The following TRPC4 variants were observed in gnomAD, a reference collection of about 807,000 sequenced individuals.
TRPC4 encodes the protein transient receptor potential cation channel subfamily C member 4.
A neutral mutation model predicts 99.4 loss-of-function variants in TRPC4; 49 were observed. That is an observed-to-expected ratio of 0.49 (90% CI 0.39 to 0.63). TRPC4 has a LOEUF of 0.63. TRPC4 is among the 20% of genes least tolerant of loss of function. The pLI, the probability that TRPC4 is intolerant of heterozygous loss-of-function variation, is 0.00. For missense variants in TRPC4, 898 were observed against 1,152.9 expected (o/e 0.78, Z 3.20); for synonymous variants, 454 against 425.9 (o/e 1.07, Z -0.81).
At chr13:37,854,718 T>C (rs1959141091) in intron 1 of TRPC4, 1 of 152,072 alleles carries the variant, frequency 6.6e-6, no homozygotes. Context: ...TTTGCAAGCC[T>C]CATGGTAACT....
intron 7 of TRPC4, among the ~76,000 whole-genome samples, chr13:37,651,750 T>C (rs149505988): frequency 6.5e-4 from 99 of 152,324 alleles, no homozygotes; most frequent in Non-Finnish European, 1.1e-3. Flanking sequence ...ACTTGAAGAT[T>C]AGCCTGCATC....
At chr13:37,669,133 C>A (rs1388084357) in intron 5 of TRPC4, among the ~76,000 whole-genome samples, 1 of 151,906 alleles carries the variant, frequency 6.6e-6, no homozygotes. Flanking sequence ...TAAAGAAAAG[C>A]CACAATGATG....
At chr13:37,687,036 C>T (rs1458582522) in intron 4 of TRPC4, among the ~76,000 whole-genome samples, 1 of 152,020 alleles carries the variant, frequency 6.6e-6, no homozygotes, top group Admixed American at 6.6e-5. Flanking sequence ...ACAATCTCGG[C>T]TCACTGCAAC....
At chr13:37,751,991 T>C (rs1955942929) in intron 2 of TRPC4, among the ~76,000 whole-genome samples, 1 of 148,374 alleles carries the variant, frequency 6.7e-6, no homozygotes, top group Non-Finnish European at 1.5e-5. Context: ...ATTTGCCAAG[T>C]ACTTTCCAAA....
intron 2 of TRPC4, among the ~76,000 whole-genome samples, chr13:37,764,346 A>G (rs561462179): frequency 2.0e-5 from 3 of 151,352 alleles, no homozygotes; most frequent in South Asian, 2.1e-4. Flanking sequence ...ATAATTTTAA[A>G]TTATAATTTC....
At chr13:37,646,832 T>C (rs1459359191) in intron 8 of TRPC4, among the ~76,000 whole-genome samples, 1 of 152,210 alleles carries the variant, frequency 6.6e-6, no homozygotes, top group Non-Finnish European at 1.5e-5. Flanking sequence ...ATGTTTCTTA[T>C]TTGGATAGGC....
chr13:37,762,288 C>T lies in TRPC4; in HGVS notation c.379-15833G>A, dbSNP rs528426574. 7.9e-5 allele frequency among the ~76,000 whole-genome samples: 12 copies of T among 151,970 alleles called. No homozygotes were observed. The East Asian group carries it at 2.3e-3, about 30-fold the overall frequency. ...TGTTGTTTCCTGACTTTTTGTTCAA[C>T]CATTGTGGAAGTCAGTGTGGCGATT... On this transcript the variant is annotated intron_variant, in intron 2 of 10. Coordinates refer to ENST00000379705, the MANE Select transcript of TRPC4 (RefSeq NM_016179.4).
chr13:37,731,600 C>T (rs1955241799), intron 3 of TRPC4, among the ~76,000 whole-genome samples: 1 of 152,020 alleles, frequency 6.6e-6, no homozygotes, highest in Non-Finnish European at 1.5e-5. Context: ...GAACTTTAAT[C>T]ACACAATCAG....
chr13:37,854,906 C>G (rs1959145839), intron 1 of TRPC4: 1 of 151,900 alleles, frequency 6.6e-6, no homozygotes, highest in Non-Finnish European at 1.5e-5. Context: ...ATTAACCAAG[C>G]CTGACCCTGT....
intron 7 of TRPC4, among the ~76,000 whole-genome samples, chr13:37,652,946 G>T (rs1238500204): frequency 6.6e-6 from 1 of 152,086 alleles, no homozygotes. Context: ...CTCTAAGCTG[G>T]TGATGACTAG....
At chr13:37,656,208 T>C (rs1952230496) in intron 6 of TRPC4, among the ~76,000 whole-genome samples, 2 of 152,160 alleles carry the variant, frequency 1.3e-5, no homozygotes, top group Admixed American at 1.3e-4. Context: ...AATTGTTTGT[T>C]TCAAAGGGAC....
chr13:37,815,823 A>T (rs1314294739), intron 1 of TRPC4, among the ~76,000 whole-genome samples: 1 of 151,916 alleles, frequency 6.6e-6, no homozygotes, highest in Non-Finnish European at 1.5e-5. Flanking sequence ...CATTCTTCTC[A>T]TATGCATGTG....
At chr13:37,844,409 C>T (rs1232555193) in intron 1 of TRPC4, among the ~76,000 whole-genome samples, 1 of 152,184 alleles carries the variant, frequency 6.6e-6, no homozygotes, top group African/African-American at 2.4e-5. Context: ...ATTATCCTGC[C>T]TCAGCCTCCC....
chr13:37,814,347 A>G (rs1957785047), intron 1 of TRPC4, among the ~76,000 whole-genome samples: 1 of 151,626 alleles, frequency 6.6e-6, no homozygotes, highest in Admixed American at 6.6e-5. Context: ...AAGGGAAAAA[A>G]AAGGTATCAA....
In TRPC4 at chr13:37,719,033, G is replaced by T. The variant is rs147431642; in HGVS notation, c.898-26698C>A. The stretch of plus-strand genomic sequence containing the variant: ...AAAAAAAATCTTAAAAGCAGTCTGA[G>T]AAAAATGGCATATTATATGCAGGAG... On this transcript the variant is annotated intron_variant, in intron 3 of 10. Coordinates refer to ENST00000379705, the MANE Select transcript of TRPC4 (RefSeq NM_016179.4). Among the ~76,000 whole-genome samples the T allele has an allele frequency of 5.3e-4, 81 of 152,204 alleles. No homozygotes were observed. In the East Asian group the frequency reaches 0.014, roughly 26 times the overall value.
chr13:37,789,368 G>C (rs987836950), intron 1 of TRPC4, among the ~76,000 whole-genome samples: 1 of 152,100 alleles, frequency 6.6e-6, no homozygotes, highest in Middle Eastern at 3.2e-3. Context: ...AGCCCCTGAT[G>C]ATGTTTCTTT....
chr13:37,635,525 G>A lies in TRPC4; in HGVS notation c.*1378C>T, dbSNP rs948273322. On this transcript the variant is annotated 3_prime_UTR_variant, in exon 11 of 11. Coordinates refer to ENST00000379705, the MANE Select transcript of TRPC4 (RefSeq NM_016179.4). ...GAGTGCCATAACATTATTCAGTTTG[G>A]GGCCAATGATAAATCACATGCAATT... Among the ~76,000 whole-genome samples, 2 of 151,980 alleles carry A rather than the reference G, an allele frequency of 1.3e-5. No individual in the cohort carries two copies. Among genetic ancestry groups the A allele is most frequent in the Admixed American group, 1.3e-4 (2 of 15,226 alleles).
At position 37,818,434 on chromosome 13, in the gene TRPC4, C is replaced by T. The variant is rs28773542; in HGVS notation, c.-27-35074G>A. On this transcript the variant is annotated intron_variant, in intron 1 of 10. Coordinates refer to ENST00000379705, the MANE Select transcript of TRPC4 (RefSeq NM_016179.4). ...TAGAACCAGAAATACCATTTGACCC[C>T]GCAATCCCATTACTGGGTATACACC... Among the ~76,000 whole-genome samples, 92 of 151,848 alleles carry T rather than the reference C, an allele frequency of 6.1e-4. 1 individual carries two copies. The highest frequency in any genetic ancestry group is 3.4e-3 in the Middle Eastern group (1 of 294).
chr13:37,859,095 A>G (rs9548084), intron 1 of TRPC4, among the ~76,000 whole-genome samples: 1,890 of 151,680 alleles, frequency 0.012, 22 homozygotes, highest in Non-Finnish European at 0.021. Flanking sequence ...TAAAAAATAT[A>G]CAAAATGAAT....
Sources: gnomAD v4.1 joint callset for allele counts (sites outside exome capture counted in the v4.1 genomes callset) on GRCh38, gnomAD v4.1.1 for gene constraint, MANE v1.5 for transcripts, NCBI Gene and HGNC (gene_info 2026-07-23, HGNC 2026-07-21) for gene names.